ADGRG6: variants seen among roughly 807,000 people sequenced by gnomAD.
ADGRG6 encodes adhesion G protein-coupled receptor G6, also known as G-protein coupled receptor 126.
A neutral mutation model predicts 142.4 loss-of-function variants in ADGRG6; 84 were observed. The ratio of observed to expected loss-of-function variants is 0.59; its 90% CI spans 0.49 to 0.71. The LOEUF (loss-of-function observed/expected upper bound fraction) is 0.71. Ranked by LOEUF, ADGRG6 falls within the 30% of genes least tolerant of loss-of-function variation. The probability of loss-of-function intolerance (pLI) is 0.00; values close to 1 mark genes in which losing one functional copy is unlikely to be tolerated. For synonymous variants in ADGRG6, 521 were observed against 520.5 expected, an observed-to-expected ratio of 1.00 and a Z score of -0.01; for missense variants, 1,367 against 1,466.6, an observed-to-expected ratio of 0.93 and a Z score of 1.11.
chr6:142,405,608 C>T (rs1775762012), intron 14 of ADGRG6, 80 bp from the exon 15 acceptor site: 13 of 1,156,504 alleles, frequency 1.1e-5, no homozygotes, highest in East Asian at 4.8e-5. Flanking sequence ...ATTGTTCACT[C>T]GCCTAACTAT....
In ADGRG6 at chr6:142,435,970, C is replaced by T. The variant is rs540744067; in HGVS notation, c.3320-1464C>T. ...GTATTGGGCTGGAATGAGCTGGACA[C>T]ATTGAGAATTAAAGGGATGTGTGTG... On this transcript the variant is annotated intron_variant, in intron 22 of 24. Coordinates refer to ENST00000367609, the MANE Select transcript of ADGRG6 (RefSeq NM_198569.3). 1.1e-4 allele frequency among the ~76,000 whole-genome samples: 16 copies of T among 152,148 alleles called. No homozygotes were observed. In the East Asian group the frequency reaches 3.1e-3, roughly 29 times the overall value.
chr6:142,305,404 T>TC (rs1777438876), intron 1 of ADGRG6, among the ~76,000 whole-genome samples: 3 of 127,432 alleles, frequency 2.4e-5, no homozygotes, highest in Non-Finnish European at 3.1e-5. Context: ...CCTCCTTTCC[T>TC]GCCCCCCCCC....
chr6:142,339,988 C>T (rs1779535035), intron 2 of ADGRG6, among the ~76,000 whole-genome samples: 2 of 152,172 alleles, frequency 1.3e-5, no homozygotes, highest in East Asian at 1.9e-4. Context: ...GGCAAAAAAG[C>T]TTTTGAATAT....
Position 142,370,483 on chromosome 6 carries a change from C to T in ADGRG6, c.759C>T (p.Leu253=). The change falls in exon 4 of 25, where the codon CTC becomes CTT. Residue 253 remains leucine (L), a synonymous_variant. Coordinates refer to ENST00000367609, the MANE Select transcript of ADGRG6 (RefSeq NM_198569.3). The part of the protein sequence containing the change: ...EDIFAESFEQ[L]CLVWNNSLGS... ...TTTTTGCAGAAAGCTTTGAACAGCT[C>T]TGCCTTGTTTGGAATAATTCTTTGG... is the stretch of plus-strand genomic sequence containing the variant. The T allele has an allele frequency of 6.2e-7, 1 of 1,613,354 alleles. No homozygotes were observed.
intron 4 of ADGRG6, among the ~76,000 whole-genome samples, chr6:142,373,115 TTAAC>T (rs1023086744): frequency 6.6e-6 from 1 of 152,202 alleles, no homozygotes; most frequent in African/African-American, 2.4e-5. Context: ...CACGTGGAGA[TTAAC>T]TAACTTATCC....
chr6:142,402,388 T>A (rs939849297), intron 12 of ADGRG6, among the ~76,000 whole-genome samples: 2 of 152,160 alleles, frequency 1.3e-5, no homozygotes, highest in African/African-American at 2.4e-5. Context: ...CTTAGAACTT[T>A]GTGTGTTCAT....
intron 22 of ADGRG6, among the ~76,000 whole-genome samples, chr6:142,431,752 G>A (rs1582685075): frequency 6.6e-6 from 1 of 151,884 alleles, no homozygotes; most frequent in Non-Finnish European, 1.5e-5. Context: ...GTGAAGCCCC[G>A]CCTCTATTAA....
At chr6:142,333,990 G>A (rs1779190460) in intron 2 of ADGRG6, among the ~76,000 whole-genome samples, 1 of 152,070 alleles carries the variant, frequency 6.6e-6, no homozygotes, top group South Asian at 2.1e-4. Context: ...TACCAGGGAT[G>A]GTATGTGGTG....
intron 11 of ADGRG6, among the ~76,000 whole-genome samples, chr6:142,401,339 T>C (rs1016727199): frequency 5.9e-5 from 9 of 152,216 alleles, no homozygotes; most frequent in Non-Finnish European, 1.0e-4. Flanking sequence ...AAATTCCATT[T>C]AATCTTCTAT....
intron 10 of ADGRG6, among the ~76,000 whole-genome samples, chr6:142,399,641 G>C (rs951021568): frequency 1.4e-4 from 21 of 152,026 alleles, no homozygotes; most frequent in Non-Finnish European, 2.8e-4. Context: ...TTGTTTTTCT[G>C]CAAATGAATC....
chr6:142,386,993 G>C (rs1782060127), intron 6 of ADGRG6, among the ~76,000 whole-genome samples: 1 of 152,112 alleles, frequency 6.6e-6, no homozygotes, highest in South Asian at 2.1e-4. Context: ...CGCAGACAGG[G>C]GACCTGGCCA....
intron 2 of ADGRG6, among the ~76,000 whole-genome samples, chr6:142,323,908 A>G (rs566430040): frequency 1.8e-4 from 27 of 152,184 alleles, no homozygotes; most frequent in Non-Finnish European, 2.9e-4. Context: ...CAGGTGTACC[A>G]TATTTTATCT....
In ADGRG6 at chr6:142,440,973, T is replaced by A. The variant is rs747801397; in HGVS notation, c.3575-2364T>A. ...ACTCAGGTAAACTTTCGTTACTTTTTTGAATGCATGAATTTTTTGCAAGGT... is the reference window on the plus strand; with the variant it reads ...ACTCAGGTAAACTTTCGTTACTTTTATGAATGCATGAATTTTTTGCAAGGT... On this transcript the variant is annotated intron_variant, in intron 24 of 24. Coordinates refer to ENST00000367609, the MANE Select transcript of ADGRG6 (RefSeq NM_198569.3). 9 of 1,395,880 alleles carry A rather than the reference T, an allele frequency of 6.4e-6. No homozygotes were observed. The East Asian group carries it at 2.3e-4, about 36-fold the overall frequency. 86.5% of individuals were successfully genotyped at this position (1,395,880 alleles called of 1,614,324 possible).
intron 22 of ADGRG6, among the ~76,000 whole-genome samples, chr6:142,433,214 T>G (rs141619361): frequency 0.013 from 1,949 of 152,294 alleles, 24 homozygotes; most frequent in Middle Eastern, 0.1. Context: ...CTTCCTTCTC[T>G]GGAGCTGCAG....
chr6:142,429,169 A>G (rs1002414723), intron 22 of ADGRG6, among the ~76,000 whole-genome samples: 4 of 152,206 alleles, frequency 2.6e-5, no homozygotes, highest in Admixed American at 6.5e-5. Context: ...ATTCAGTGTT[A>G]AGTAATTTAG....
chr6:142,423,745 G>A (rs1160083780), intron 22 of ADGRG6, among the ~76,000 whole-genome samples: 18 of 124,592 alleles, frequency 1.4e-4, no homozygotes, highest in South Asian at 3.1e-4. Context: ...CATTGAATCT[G>A]TAAATTACCT....
At chr6:142,393,996 T>TTACAA in intron 9 of ADGRG6, 38 bp downstream of exon 9, 1 of 1,273,362 alleles carries the variant, frequency 7.9e-7, no homozygotes, top group Non-Finnish European at 1.1e-6. Flanking sequence ...ATAACATTCT[T>TTACAA]TCTCTTGCTC....
intron 20 of ADGRG6, 130 bp from the exon 21 acceptor site, chr6:142,417,143 C>T (rs1285258506): frequency 1.4e-6 from 1 of 711,818 alleles, no homozygotes. Flanking sequence ...AAGTTTGAAT[C>T]TGGGATATGG....
At chr6:142,401,256 G>A (rs1272843092) in intron 11 of ADGRG6, among the ~76,000 whole-genome samples, 2 of 152,200 alleles carry the variant, frequency 1.3e-5, no homozygotes, top group Non-Finnish European at 2.9e-5. Context: ...CTGTAGAGAT[G>A]TATGGACTTG....
Sources: allele counts gnomAD v4.1 joint callset (sites outside exome capture counted in the v4.1 genomes callset), GRCh38; gene constraint gnomAD v4.1.1; transcripts MANE v1.5; gene names NCBI Gene and HGNC (gene_info 2026-07-23, HGNC 2026-07-21).